GRIK2: variants seen among roughly 807,000 people sequenced by gnomAD.
GRIK2 encodes the protein glutamate receptor ionotropic, kainate 2.
In GRIK2, 32 loss-of-function variants were observed where a neutral mutation model predicts 100.3. The ratio of observed to expected loss-of-function variants is 0.32; its 90% CI spans 0.24 to 0.43. The LOEUF is 0.43. Among genes scored for constraint, GRIK2 ranks in the 20% least tolerant of loss-of-function variants. The pLI, the probability that GRIK2 is intolerant of heterozygous loss-of-function variation, is 1.00. For synonymous variants in GRIK2, 417 were observed against 389.4 expected, an observed-to-expected ratio of 1.07 and a Z score of -0.83; for missense variants, 843 against 1,114.9, an observed-to-expected ratio of 0.76 and a Z score of 3.47.
chr6:101,729,096 C>T lies in GRIK2; in HGVS notation c.951+42743C>T, dbSNP rs568569424. ...ACAATTATCCTTTCTCTTCATTGTC[C>T]TGCTGAGGAATGCACTGTAATTCTG... On this transcript the variant is annotated intron_variant, in intron 7 of 16. Coordinates refer to ENST00000369134, the MANE Select transcript of GRIK2 (RefSeq NM_021956.5). 1.8e-4 allele frequency among the ~76,000 whole-genome samples: 27 copies of T among 152,086 alleles called. 2 individuals carry two copies. In the South Asian group the frequency reaches 5.6e-3, roughly 32 times the overall value.
At chr6:101,423,872 T>C (rs1776546852) in intron 2 of GRIK2, among the ~76,000 whole-genome samples, 2 of 152,204 alleles carry the variant, frequency 1.3e-5, no homozygotes. Flanking sequence ...TGCACTCTCA[T>C]GTTCATTGCA....
chr6:101,604,145 AG>A (rs1450371530), intron 2 of GRIK2, among the ~76,000 whole-genome samples: 14 of 151,728 alleles, frequency 9.2e-5, no homozygotes, highest in Non-Finnish European at 1.8e-4. Flanking sequence ...GGAGTAGAAA[AG>A]GTTAGTTACA....
At chr6:101,894,283 A>T (rs544104387) in intron 12 of GRIK2, among the ~76,000 whole-genome samples, 3 of 151,668 alleles carry the variant, frequency 2.0e-5, no homozygotes, top group Admixed American at 1.3e-4. Context: ...TGAGAAGGAG[A>T]TGTATGGTGT....
At chr6:101,831,756 C>T (rs932037111) in intron 10 of GRIK2, among the ~76,000 whole-genome samples, 12 of 152,012 alleles carry the variant, frequency 7.9e-5, no homozygotes, top group South Asian at 2.1e-4. Flanking sequence ...GTAGCATTTA[C>T]GGGAGTATGA....
intron 2 of GRIK2, among the ~76,000 whole-genome samples, chr6:101,464,274 G>A (rs908230222): frequency 8.5e-5 from 13 of 152,082 alleles, no homozygotes; most frequent in African/African-American, 2.9e-4. Context: ...AGGGTCCATG[G>A]CTTTGGCAAT....
intron 14 of GRIK2, among the ~76,000 whole-genome samples, chr6:101,974,459 A>G (rs1186960509): frequency 6.6e-6 from 1 of 152,146 alleles, no homozygotes; most frequent in Admixed American, 6.6e-5. Flanking sequence ...TCAAAGTTCT[A>G]CAGAAAAACA....
intron 12 of GRIK2, among the ~76,000 whole-genome samples, chr6:101,909,114 C>T (rs1168274555): frequency 6.6e-6 from 1 of 151,116 alleles, no homozygotes; most frequent in Non-Finnish European, 1.5e-5. Context: ...TATTAAGGTA[C>T]TACCAGCTGT....
intron 7 of GRIK2, 118 bp from the exon 8 acceptor site, chr6:101,799,530 A>G (rs1780541523): frequency 6.8e-6 from 5 of 739,080 alleles, no homozygotes; most frequent in South Asian, 5.2e-5. Context: ...TCTTCTTTAT[A>G]CAAAGAAAAA....
At chr6:101,962,551 C>A (rs1003195226) in intron 14 of GRIK2, among the ~76,000 whole-genome samples, 4 of 152,066 alleles carry the variant, frequency 2.6e-5, no homozygotes, top group Non-Finnish European at 5.9e-5. Flanking sequence ...TTCTATCTAT[C>A]CTATTGTTGT....
chr6:101,998,957 G>T (rs1794792148), intron 14 of GRIK2, among the ~76,000 whole-genome samples: 1 of 151,632 alleles, frequency 6.6e-6, no homozygotes, highest in Non-Finnish European at 1.5e-5. Flanking sequence ...GGGATTACAG[G>T]CGTGTGCCAC....
In GRIK2 at chr6:101,976,816, A is replaced by T. The variant is rs541455421; in HGVS notation, c.2085+48184A>T. On this transcript the variant is annotated intron_variant, in intron 14 of 16. Coordinates refer to ENST00000369134, the MANE Select transcript of GRIK2 (RefSeq NM_021956.5). The stretch of plus-strand genomic sequence containing the variant: ...AGAAATTTCATTGTTTAAAAAAAAA[A>T]AACAACTGTAGTGGGATAAACCAAA... Among the ~76,000 whole-genome samples the T allele has an allele frequency of 3.9e-4, 60 of 152,070 alleles. 2 individuals are homozygous for T. Among genetic ancestry groups the T allele is most frequent in the African/African-American group, 1.4e-3 (58 of 41,534 alleles).
At chr6:101,936,492 T>A (rs780322521) in intron 14 of GRIK2, among the ~76,000 whole-genome samples, 7 of 152,124 alleles carry the variant, frequency 4.6e-5, no homozygotes, top group Non-Finnish European at 7.4e-5. Context: ...AAAACATGAC[T>A]ATTTATTATG....
chr6:101,912,609 ACTC>A (rs955998991), intron 12 of GRIK2, among the ~76,000 whole-genome samples: 3 of 151,368 alleles, frequency 2.0e-5, no homozygotes, highest in Non-Finnish European at 4.4e-5. Flanking sequence ...TATTGTGCCT[ACTC>A]CTCAGTTTCA....
intron 14 of GRIK2, among the ~76,000 whole-genome samples, chr6:101,934,814 C>T (rs911828511): frequency 2.0e-5 from 3 of 151,904 alleles, no homozygotes; most frequent in Non-Finnish European, 2.9e-5. Flanking sequence ...GTGTGCTTTT[C>T]ACATTGAAAA....
At chr6:101,531,962 A>C (rs1775463941) in intron 2 of GRIK2, among the ~76,000 whole-genome samples, 1 of 151,954 alleles carries the variant, frequency 6.6e-6, no homozygotes, top group African/African-American at 2.4e-5. Flanking sequence ...TCTTGGCTCC[A>C]GTTTTATCTA....
chr6:101,921,904 A>G (rs1161879861), intron 12 of GRIK2, among the ~76,000 whole-genome samples: 1 of 152,134 alleles, frequency 6.6e-6, no homozygotes, highest in Non-Finnish European at 1.5e-5. Context: ...CCTTTTGGAT[A>G]TCTTCAGTTT....
At chr6:101,688,638 G>A (rs924136415) in intron 7 of GRIK2, among the ~76,000 whole-genome samples, 20 of 151,740 alleles carry the variant, frequency 1.3e-4, no homozygotes, top group African/African-American at 3.4e-4. Flanking sequence ...TCTTGGAAGG[G>A]GAAAAATGTT....
rs565208261 is a variant in GRIK2, at chr6:102,035,096, T to G, written c.2086-245T>G. 2.6e-5 allele frequency among the ~76,000 whole-genome samples: 4 copies of G among 151,100 alleles called. 1 individual carries two copies. The South Asian group carries it at 6.2e-4, about 23-fold the overall frequency. Reference sequence around the variant, plus strand: ...GGGATGTGATTTTAAACATGAAGATTTTTAAAAATATATTTGTTAAATAAA... The same window carrying G: ...GGGATGTGATTTTAAACATGAAGATGTTTAAAAATATATTTGTTAAATAAA... On this transcript the variant is annotated intron_variant, in intron 14 of 16. Transcript: ENST00000369134.
intron 2 of GRIK2, among the ~76,000 whole-genome samples, chr6:101,529,508 A>T (rs1328179953): frequency 6.6e-6 from 1 of 152,086 alleles, no homozygotes; most frequent in Non-Finnish European, 1.5e-5. Context: ...GCATTTACAA[A>T]TAATTTCAAC....
Sources: allele counts gnomAD v4.1 joint callset (sites outside exome capture counted in the v4.1 genomes callset), GRCh38; gene constraint gnomAD v4.1.1; transcripts MANE v1.5; gene names NCBI Gene and HGNC (gene_info 2026-07-23, HGNC 2026-07-21).